PLXNA4: variants seen among roughly 807,000 people sequenced by gnomAD.
PLXNA4 encodes the protein plexin-A4.
A neutral mutation model predicts 191.8 loss-of-function variants in PLXNA4; 44 were observed. The ratio of observed to expected loss-of-function variants is 0.23; its 90% CI spans 0.18 to 0.29. The LOEUF (loss-of-function observed/expected upper bound fraction) is 0.29, where lower values mean the gene tolerates loss of function less well. Ranked by LOEUF, PLXNA4 falls within the 10% of genes least tolerant of loss-of-function variation. The pLI, the probability that PLXNA4 is intolerant of heterozygous loss-of-function variation, is 1.00. For synonymous variants in PLXNA4, 1,082 were observed against 1,009.5 expected, an observed-to-expected ratio of 1.07 and a Z score of -1.36; for missense variants, 1,800 against 2,488.8, an observed-to-expected ratio of 0.72 and a Z score of 5.89.
chr7:132,372,369 C>T (rs769281085), intron 3 of PLXNA4, among the ~76,000 whole-genome samples: 1 of 152,254 alleles, frequency 6.6e-6, no homozygotes, highest in African/African-American at 2.4e-5. Flanking sequence ...AGATCACACA[C>T]GTGGCGTGGC....
intron 3 of PLXNA4, among the ~76,000 whole-genome samples, chr7:132,336,424 A>C (rs765464681): frequency 1.3e-5 from 2 of 152,190 alleles, no homozygotes; most frequent in African/African-American, 4.8e-5. Flanking sequence ...GGGTTCAGAA[A>C]TTATGGGTAC....
chr7:132,490,044 C>A (rs568102688), intron 2 of PLXNA4, among the ~76,000 whole-genome samples: 2 of 152,338 alleles, frequency 1.3e-5, no homozygotes, highest in East Asian at 3.9e-4. Flanking sequence ...ACAACAGAGG[C>A]ATGTGCAGGC....
chr7:132,140,396 C>T (rs986825483), intron 30 of PLXNA4, among the ~76,000 whole-genome samples: 2 of 152,164 alleles, frequency 1.3e-5, no homozygotes, highest in Non-Finnish European at 2.9e-5. Flanking sequence ...ACCATGGCAA[C>T]CTCTGGCCAA....
In PLXNA4 at chr7:132,152,849, A is replaced by T. The variant is rs546806297; in HGVS notation, c.4661-4203T>A. Among the ~76,000 whole-genome samples the T allele has an allele frequency of 8.5e-5, 13 of 152,216 alleles. No homozygotes were observed. The South Asian group carries it at 2.7e-3, about 32-fold the overall frequency. On this transcript the variant is annotated intron_variant, in intron 25 of 31. Transcript: ENST00000321063. ...AACACCTTCTCCTACAAAAGAGGACACCTACAGTCCCATCTCACAAGATGC... is the reference window on the plus strand; with the variant it reads ...AACACCTTCTCCTACAAAAGAGGACTCCTACAGTCCCATCTCACAAGATGC...
At chr7:132,559,310 GC>G (rs377015482) in intron 1 of PLXNA4, among the ~76,000 whole-genome samples, 8 of 152,198 alleles carry the variant, frequency 5.3e-5, no homozygotes, top group African/African-American at 1.9e-4. Context: ...CACTTACCCT[GC>G]CCCCTGTTTC....
intron 2 of PLXNA4, among the ~76,000 whole-genome samples, chr7:132,637,275 A>ATC (rs749090140): frequency 1.3e-5 from 2 of 151,970 alleles, no homozygotes; most frequent in Non-Finnish European, 2.9e-5. Context: ...TACCTTCTTG[A>ATC]TCTCAACGTG....
At chr7:132,630,638 A>G (rs1803475506) in intron 2 of PLXNA4, among the ~76,000 whole-genome samples, 1 of 152,042 alleles carries the variant, frequency 6.6e-6, no homozygotes, top group Non-Finnish European at 1.5e-5. Flanking sequence ...CAGCCTCCCA[A>G]GTAGCTGGGA....
intron 3 of PLXNA4, among the ~76,000 whole-genome samples, chr7:132,304,260 G>C (rs1348196024): frequency 6.6e-6 from 1 of 152,134 alleles, no homozygotes; most frequent in African/African-American, 2.4e-5. Context: ...AGATCAGAGA[G>C]CCACTGTGTC....
Position 132,202,627 on chromosome 7 carries a change from A to G in PLXNA4, c.2586+19T>C. 1 of 1,448,298 alleles carries G rather than the reference A, an allele frequency of 6.9e-7. No individual in the cohort carries two copies. The highest frequency in any genetic ancestry group is 2.6e-5 in the East Asian group (1 of 39,036). 89.7% of individuals were successfully genotyped at this position (1,448,298 alleles called of 1,614,324 possible). On this transcript the variant is annotated intron_variant, in intron 12 of 31. Transcript: ENST00000321063. ...CTGGAGCCTGCCCATTTGGAGCAGG[A>G]GGCCCGACCCCGGCTTACCTCTGTG...
intron 4 of PLXNA4, among the ~76,000 whole-genome samples, chr7:132,290,405 G>T (rs1476868143): frequency 1.3e-5 from 2 of 152,192 alleles, no homozygotes; most frequent in African/African-American, 4.8e-5. Context: ...TCACTCCAGG[G>T]CACCCAAGAA....
At chr7:132,436,453 G>A (rs1795473023) in intron 3 of PLXNA4, among the ~76,000 whole-genome samples, 1 of 152,204 alleles carries the variant, frequency 6.6e-6, no homozygotes, top group South Asian at 2.1e-4. Context: ...TAGATTATGA[G>A]CAATGAGACA....
At chr7:132,265,880 C>T (rs528773127) in intron 4 of PLXNA4, among the ~76,000 whole-genome samples, 1 of 152,322 alleles carries the variant, frequency 6.6e-6, no homozygotes, top group South Asian at 2.1e-4. Flanking sequence ...TGGTCACACC[C>T]TTAATGCCGA....
intron 3 of PLXNA4, among the ~76,000 whole-genome samples, chr7:132,361,751 T>C (rs1196921501): frequency 6.6e-6 from 1 of 152,144 alleles, no homozygotes; most frequent in Non-Finnish European, 1.5e-5. Flanking sequence ...AAAGGAAGAA[T>C]AAAAAGATGT....
chr7:132,527,301 A>G (rs897483385), intron 1 of PLXNA4, among the ~76,000 whole-genome samples: 1 of 152,032 alleles, frequency 6.6e-6, no homozygotes. Flanking sequence ...TTTGCTCAGC[A>G]AGGTAAGAGT....
intron 4 of PLXNA4, among the ~76,000 whole-genome samples, chr7:132,246,768 A>AATC (rs34617807): frequency 0.014 from 2,045 of 149,988 alleles, 22 homozygotes; most frequent in Non-Finnish European, 0.019. Context: ...TTGTACATGC[A>AATC]ATCATCATCA....
intron 3 of PLXNA4, among the ~76,000 whole-genome samples, chr7:132,460,329 C>G (rs1420732216): frequency 6.6e-6 from 1 of 151,390 alleles, no homozygotes; most frequent in African/African-American, 2.4e-5. Context: ...ACTGCCACTG[C>G]ACTCCAGCCT....
chr7:132,291,182 C>T (rs1376176589), intron 4 of PLXNA4, among the ~76,000 whole-genome samples: 1 of 152,160 alleles, frequency 6.6e-6, no homozygotes, highest in African/African-American at 2.4e-5. Flanking sequence ...GGCCTCTGTG[C>T]TTGCTGTTCC....
chr7:132,528,385 A>C (rs2116416938), intron 1 of PLXNA4, among the ~76,000 whole-genome samples: 1 of 152,306 alleles, frequency 6.6e-6, no homozygotes, highest in East Asian at 1.9e-4. Context: ...GAATATTCCC[A>C]ACTGTATTCA....
chr7:132,491,149 A>G (rs1476908671), intron 2 of PLXNA4, among the ~76,000 whole-genome samples: 3 of 152,250 alleles, frequency 2.0e-5, no homozygotes, highest in Non-Finnish European at 4.4e-5. Context: ...GATGACGGAA[A>G]CAATCCCCGC....
Sources: gnomAD v4.1 joint callset for allele counts (sites outside exome capture counted in the v4.1 genomes callset) on GRCh38, gnomAD v4.1.1 for gene constraint, MANE v1.5 for transcripts, NCBI Gene and HGNC (gene_info 2026-07-23, HGNC 2026-07-21) for gene names.